Variants in ATP8A2 observed in about 807,000 individuals in gnomAD.
ATP8A2 encodes phospholipid-transporting ATPase IB.
Under a neutral mutation model 165.6 loss-of-function variants are expected in ATP8A2, and 100 were observed. The ratio of observed to expected loss-of-function variants is 0.60; its 90% confidence interval spans 0.51 to 0.71. The LOEUF (loss-of-function observed/expected upper bound fraction) is 0.71, where lower values mean the gene tolerates loss of function less well. ATP8A2 is among the 30% of genes least tolerant of loss of function. The pLI is 0.00. For missense variants in ATP8A2, 1,227 were observed against 1,479.5 expected, an observed-to-expected ratio of 0.83 and a Z score of 2.80; for synonymous variants, 543 against 548.8, an observed-to-expected ratio of 0.99 and a Z score of 0.15.
chr13:25,833,286 A>G (rs1951524832), intron 28 of ATP8A2, among the ~76,000 whole-genome samples: 1 of 152,136 alleles, frequency 6.6e-6, no homozygotes, highest in South Asian at 2.1e-4. Context: ...TAATATAAAT[A>G]TATATGATTC....
intron 26 of ATP8A2, among the ~76,000 whole-genome samples, chr13:25,769,671 T>G (rs1225562326): frequency 1.6e-5 from 2 of 126,806 alleles, no homozygotes; most frequent in Non-Finnish European, 3.3e-5. Flanking sequence ...CCTGGCTAGG[T>G]GCTTAAGGTC....
intron 1 of ATP8A2, among the ~76,000 whole-genome samples, chr13:25,376,429 A>C (rs1043838004): frequency 2.0e-5 from 3 of 152,204 alleles, no homozygotes; most frequent in African/African-American, 7.2e-5. Flanking sequence ...GAAGTTTCTT[A>C]AGGGCAGTAT....
intron 25 of ATP8A2, among the ~76,000 whole-genome samples, chr13:25,720,835 G>T (rs771425033): frequency 7.9e-5 from 12 of 152,100 alleles, no homozygotes; most frequent in Non-Finnish European, 1.6e-4. Flanking sequence ...CATGCAACTT[G>T]TCTTATTATA....
chr13:25,798,217 C>G (rs770551048), intron 27 of ATP8A2, among the ~76,000 whole-genome samples: 1 of 152,180 alleles, frequency 6.6e-6, no homozygotes, highest in Non-Finnish European at 1.5e-5. Flanking sequence ...AAGTTTGTTT[C>G]ATTTGCACTA....
chr13:25,518,653 G>A (rs757786472), intron 2 of ATP8A2, among the ~76,000 whole-genome samples: 17 of 152,228 alleles, frequency 1.1e-4, no homozygotes, highest in South Asian at 4.2e-4. Flanking sequence ...AATTTTTCTC[G>A]TAGCTGGAAA....
intron 1 of ATP8A2, among the ~76,000 whole-genome samples, chr13:25,465,550 T>C (rs1380343102): frequency 7.8e-6 from 1 of 127,498 alleles, no homozygotes; most frequent in Non-Finnish European, 1.7e-5. Context: ...TCCTGTTATT[T>C]ATCAGTGATT....
chr13:25,608,980 T>C (rs939753656), intron 24 of ATP8A2, among the ~76,000 whole-genome samples: 7 of 152,156 alleles, frequency 4.6e-5, no homozygotes, highest in African/African-American at 1.7e-4. Flanking sequence ...ATACTTAGAA[T>C]TGAATGATTA....
At chr13:25,978,391 G>C (rs1277149152) in intron 35 of ATP8A2, among the ~76,000 whole-genome samples, 2 of 152,182 alleles carry the variant, frequency 1.3e-5, no homozygotes, top group Non-Finnish European at 2.9e-5. Context: ...TGATCTCTGA[G>C]AGTAAGACAT....
At chr13:25,816,927 A>G (rs374015320) in intron 27 of ATP8A2, among the ~76,000 whole-genome samples, 31 of 152,280 alleles carry the variant, frequency 2.0e-4, no homozygotes, top group African/African-American at 6.5e-4. Context: ...CTTACTGTCA[A>G]TAAGTTAAGG....
rs561821758 is a variant in ATP8A2, at chr13:25,667,703, A to C, written c.2212-31470A>C. Among the ~76,000 whole-genome samples the C allele has an allele frequency of 9.2e-5, 14 of 152,230 alleles. No individual in the cohort carries two copies. In the East Asian group the frequency reaches 2.7e-3, roughly 29 times the overall value. On this transcript the variant is annotated intron_variant, in intron 24 of 36. Transcript: ENST00000381655. ...TTTAATAGCAATACAAAATGGACTA[A>C]GACAATATGTGTAACCTTTTATGCC...
chr13:25,734,672 C>T (rs369303673), intron 25 of ATP8A2, among the ~76,000 whole-genome samples: 1 of 152,180 alleles, frequency 6.6e-6, no homozygotes, highest in East Asian at 1.9e-4. Flanking sequence ...GAGTTTCACT[C>T]TTGTTGCCTA....
chr13:26,000,232 CT>C (rs1198093428), intron 35 of ATP8A2, among the ~76,000 whole-genome samples: 1 of 152,124 alleles, frequency 6.6e-6, no homozygotes, highest in Admixed American at 6.5e-5. Flanking sequence ...TGCCCAGTAG[CT>C]AATTTAAAAA....
intron 33 of ATP8A2, among the ~76,000 whole-genome samples, chr13:25,939,724 T>A (rs895203626): frequency 6.6e-6 from 1 of 152,160 alleles, no homozygotes; most frequent in Non-Finnish European, 1.5e-5. Context: ...GATCTTAGCA[T>A]CCGATTCCCC....
At chr13:25,669,043 A>T (rs1423706962) in intron 24 of ATP8A2, among the ~76,000 whole-genome samples, 1 of 152,034 alleles carries the variant, frequency 6.6e-6, no homozygotes, top group Non-Finnish European at 1.5e-5. Context: ...CTTCTTGGGG[A>T]ATAGTTTCTG....
rs561521429 is a variant in ATP8A2, at chr13:25,680,119, C to T, written c.2212-19054C>T. ...ATTGTGTGGCTTTTGTGGGTTGGAT[C>T]GCATCCTTGAAAAGATACGTTGAGT... On this transcript the variant is annotated intron_variant, in intron 24 of 36. Coordinates refer to ENST00000381655, the MANE Select transcript of ATP8A2 (RefSeq NM_016529.6). Among the ~76,000 whole-genome samples, 227 of 152,054 alleles carry T rather than the reference C, an allele frequency of 1.5e-3. 1 individual carries two copies. Among genetic ancestry groups the T allele is most frequent in the Non-Finnish European group, 2.9e-3 (194 of 68,024 alleles).
intron 30 of ATP8A2, among the ~76,000 whole-genome samples, chr13:25,848,450 G>A (rs1951926168): frequency 6.6e-6 from 1 of 152,238 alleles, no homozygotes; most frequent in African/African-American, 2.4e-5. Flanking sequence ...ACTTAGTTGT[G>A]TACCCAGGAG....
At chr13:25,825,403 C>A (rs1486192890) in intron 27 of ATP8A2, among the ~76,000 whole-genome samples, 1 of 151,904 alleles carries the variant, frequency 6.6e-6, no homozygotes, top group Non-Finnish European at 1.5e-5. Context: ...AAGCAGTTCT[C>A]TCCCCCTGGC....
At chr13:25,513,081 C>G (rs568081904) in intron 2 of ATP8A2, among the ~76,000 whole-genome samples, 2 of 150,180 alleles carry the variant, frequency 1.3e-5, no homozygotes, top group African/African-American at 4.9e-5. Flanking sequence ...CCCTCCCGGA[C>G]GGGGTGGCTG....
chr13:25,938,602 A>C (rs182331843), intron 33 of ATP8A2, among the ~76,000 whole-genome samples: 6 of 152,262 alleles, frequency 3.9e-5, no homozygotes, highest in African/African-American at 1.4e-4. Context: ...AGGACACGGA[A>C]TGGATCGCCA....
Sources: gnomAD v4.1 joint callset for allele counts (sites outside exome capture counted in the v4.1 genomes callset) on GRCh38, gnomAD v4.1.1 for gene constraint, MANE v1.5 for transcripts, NCBI Gene and HGNC (gene_info 2026-07-23, HGNC 2026-07-21) for gene names.